The following CSNK1G1 variants were observed in gnomAD, a reference collection of about 807,000 sequenced individuals.
CSNK1G1 encodes the protein casein kinase 1 gamma 1, also known as casein kinase I isoform gamma-1.
In CSNK1G1, 22 loss-of-function variants were observed where a neutral mutation model predicts 59.6. The ratio of observed to expected loss-of-function variants is 0.37; its 90% CI spans 0.26 to 0.53. The LOEUF is 0.53. Among genes scored for constraint, CSNK1G1 ranks in the 20% least tolerant of loss-of-function variants. The probability of loss-of-function intolerance (pLI) is 0.89; values close to 1 mark genes in which losing one functional copy is unlikely to be tolerated. For missense variants in CSNK1G1, 384 were observed against 519.5 expected, an observed-to-expected ratio of 0.74 and a Z score of 2.54; for synonymous variants, 179 against 177.1, an observed-to-expected ratio of 1.01 and a Z score of -0.08.
At position 64,339,605 on chromosome 15, in the gene CSNK1G1, A is replaced by G. The variant is rs148125373; in HGVS notation, c.-225+16383T>C. Among the ~76,000 whole-genome samples, 214 of 152,314 alleles carry G rather than the reference A, an allele frequency of 1.4e-3. 1 individual carries two copies. The highest frequency in any genetic ancestry group is 5.0e-3 in the African/African-American group (209 of 41,574). ...TGGGATTACAGACATGAGCCCAGCC[A>G]GCAATCTGTGTTTTAACAAACCCTC... is the stretch of plus-strand genomic sequence containing the variant. On this transcript the variant is annotated intron_variant, in intron 1 of 11. Coordinates refer to ENST00000303052, the MANE Select transcript of CSNK1G1 (RefSeq NM_022048.5).
chr15:64,256,635 C>A (rs992557002), intron 3 of CSNK1G1, among the ~76,000 whole-genome samples: 1 of 151,844 alleles, frequency 6.6e-6, no homozygotes, highest in African/African-American at 2.4e-5. Context: ...TTTTTTAAAC[C>A]CAACTGTTAG....
chr15:64,235,845 T>C (rs1045287443), intron 4 of CSNK1G1, among the ~76,000 whole-genome samples: 5 of 152,152 alleles, frequency 3.3e-5, no homozygotes, highest in African/African-American at 1.2e-4. Context: ...AAATACTTAC[T>C]ATGTACAAGA....
chr15:64,218,093 T>C (rs1474069761), intron 4 of CSNK1G1, among the ~76,000 whole-genome samples: 2 of 151,720 alleles, frequency 1.3e-5, no homozygotes, highest in East Asian at 3.9e-4. Context: ...GACTGTAGGC[T>C]CGCTCTACCA....
chr15:64,204,428 AAAG>A lies in CSNK1G1; in HGVS notation c.999+10_999+12del, dbSNP rs777340959. 9.6e-6 allele frequency: 15 copies of A among 1,555,006 alleles called. No homozygotes were observed. The African/African-American group carries it at 1.7e-4, about 17-fold the overall frequency. Reference sequence around the variant, plus strand: ...TAATGAGGTTAAAAAAAAAAAAAAAAAAGGATACTTACAATAGGTCTCCCAACC... The same window carrying A: ...TAATGAGGTTAAAAAAAAAAAAAAAAGATACTTACAATAGGTCTCCCAACC... On this transcript the variant is annotated intron_variant, in intron 9 of 11. Transcript: ENST00000303052.
At chr15:64,299,110 C>G (rs182143583) in intron 2 of CSNK1G1, among the ~76,000 whole-genome samples, 78 of 152,186 alleles carry the variant, frequency 5.1e-4, no homozygotes, top group African/African-American at 1.7e-3. Context: ...CCACTCCCCC[C>G]AAAGGGCCAA....
chr15:64,345,487 T>C (rs947008824), intron 1 of CSNK1G1, among the ~76,000 whole-genome samples: 2 of 152,220 alleles, frequency 1.3e-5, no homozygotes, highest in African/African-American at 2.4e-5. Flanking sequence ...TTAGTGACAG[T>C]TGAAAAATTC....
intron 2 of CSNK1G1, among the ~76,000 whole-genome samples, chr15:64,289,156 G>A (rs990717967): frequency 2.6e-5 from 4 of 151,160 alleles, no homozygotes; most frequent in African/African-American, 9.7e-5. Flanking sequence ...CTCCAGCCTG[G>A]GCGAACAAGT....
chr15:64,298,645 G>A (rs745332382), intron 2 of CSNK1G1, among the ~76,000 whole-genome samples: 2 of 152,084 alleles, frequency 1.3e-5, no homozygotes, highest in Non-Finnish European at 2.9e-5. Context: ...AAATTCAAAT[G>A]GTCTCTGGCT....
chr15:64,329,115 C>A (rs375947156), intron 1 of CSNK1G1, among the ~76,000 whole-genome samples: 2 of 151,446 alleles, frequency 1.3e-5, no homozygotes, highest in Non-Finnish European at 3.0e-5. Flanking sequence ...GACAGATCAA[C>A]GAGACAGAAA....
chr15:64,322,701 T>C (rs946465751), intron 1 of CSNK1G1, among the ~76,000 whole-genome samples: 1 of 152,016 alleles, frequency 6.6e-6, no homozygotes, highest in Non-Finnish European at 1.5e-5. Flanking sequence ...GACATGGTAG[T>C]GCGCATCTGT....
intron 10 of CSNK1G1, among the ~76,000 whole-genome samples, chr15:64,189,985 AT>A (rs1202299769): frequency 6.6e-6 from 1 of 151,506 alleles, no homozygotes; most frequent in Non-Finnish European, 1.5e-5. Flanking sequence ...TGCCCGGCTA[AT>A]TTTTTTTGTA....
chr15:64,179,785 G>A (rs2081787529), intron 11 of CSNK1G1, among the ~76,000 whole-genome samples: 1 of 152,098 alleles, frequency 6.6e-6, no homozygotes, highest in Admixed American at 6.5e-5. Flanking sequence ...AAGGGTGTGG[G>A]GCAACCTCCT....
intron 1 of CSNK1G1, among the ~76,000 whole-genome samples, chr15:64,348,645 CAG>C (rs1163610144): frequency 6.6e-6 from 1 of 152,140 alleles, no homozygotes; most frequent in Admixed American, 6.5e-5. Context: ...GCACCCACAT[CAG>C]AGAGTGACCT....
intron 1 of CSNK1G1, among the ~76,000 whole-genome samples, chr15:64,326,916 C>G (rs535989681): frequency 6.6e-6 from 1 of 150,488 alleles, no homozygotes; most frequent in Admixed American, 6.6e-5. Context: ...GGGTGACGGA[C>G]GCACCTGGAA....
chr15:64,203,420 G>T (rs1219231812), intron 9 of CSNK1G1, among the ~76,000 whole-genome samples: 1 of 152,076 alleles, frequency 6.6e-6, no homozygotes, highest in Admixed American at 6.6e-5. Flanking sequence ...AACCAGGGCC[G>T]GGCGCGGTGG....
At position 64,204,484 on chromosome 15, in the gene CSNK1G1, C is replaced by T. The variant is rs1375664803; in HGVS notation, c.956G>A (p.Gly319Asp). 2 of 1,612,780 alleles carry T rather than the reference C, an allele frequency of 1.2e-6. No homozygotes were observed. The highest frequency in any genetic ancestry group is 1.7e-6 in the Non-Finnish European group (2 of 1,179,726). ...TLFTDLFEKKGYTFDYAYDWV... is the reference protein window; with the variant it reads ...TLFTDLFEKKDYTFDYAYDWV... ...ATCATAGGCATAGTCAAAGGTGTAG[C>T]CTTTCTTTTCAAAGAGGTCTGTGAA... The change falls in exon 9 of 12, where the codon GGC becomes GAC. Residue 319 changes from glycine (G) to aspartate (D), a missense_variant. Gly to Asp is a moderately conservative substitution (Grantham distance 94). Coordinates refer to ENST00000303052, the MANE Select transcript of CSNK1G1 (RefSeq NM_022048.5).
chr15:64,325,061 G>C (rs1232556694), intron 1 of CSNK1G1, among the ~76,000 whole-genome samples: 1 of 152,168 alleles, frequency 6.6e-6, no homozygotes, highest in Non-Finnish European at 1.5e-5. Flanking sequence ...TGAATCATGA[G>C]AACTTGATTA....
chr15:64,218,655 C>T (rs549435823), intron 4 of CSNK1G1, among the ~76,000 whole-genome samples: 1 of 152,204 alleles, frequency 6.6e-6, no homozygotes, highest in African/African-American at 2.4e-5. Context: ...TCCCAAAATG[C>T]TGGGATTACA....
In CSNK1G1 at chr15:64,210,385, G is replaced by A. The variant is rs1210516877; in HGVS notation, c.680-2791C>T. Among the ~76,000 whole-genome samples, 1 of 152,142 alleles carries A rather than the reference G, an allele frequency of 6.6e-6. No homozygotes were observed. The highest frequency in any genetic ancestry group is 6.5e-5 in the Admixed American group (1 of 15,270). On this transcript the variant is annotated intron_variant, in intron 6 of 11. Transcript: ENST00000303052. This position sits in a 1 kb window ranked among gnomAD's most constrained non-coding sequence, Gnocchi z 4.2. Reference sequence around the variant, plus strand: ...GAAAAAAATAAGAGTGAAAACCAGAGCATGCTTTATTTTCATACGACTTTG... The same window carrying A: ...GAAAAAAATAAGAGTGAAAACCAGAACATGCTTTATTTTCATACGACTTTG...
Sources: allele counts gnomAD v4.1 joint callset (sites outside exome capture counted in the v4.1 genomes callset), GRCh38; gene constraint gnomAD v4.1.1; non-coding constraint Gnocchi (gnomAD v3.1); transcripts MANE v1.5; gene names NCBI Gene and HGNC (gene_info 2026-07-23, HGNC 2026-07-21).